The following CASK variants were observed in gnomAD, a reference collection of about 807,000 sequenced individuals.
The protein encoded by CASK is calcium/calmodulin dependent serine protein kinase.
Under a neutral mutation model 82.9 loss-of-function variants are expected in CASK, and 4 were observed. That is an observed-to-expected ratio of 0.05 (90% CI 0.02 to 0.11). CASK has a LOEUF of 0.11. Among genes scored for constraint, CASK ranks in the 10% least tolerant of loss-of-function variants. The pLI, the probability that CASK is intolerant of heterozygous loss-of-function variation, is 1.00. For missense variants in CASK, 358 were observed against 720.9 expected, an observed-to-expected ratio of 0.50 and a Z score of 5.76; for synonymous variants, 259 against 253.5, an observed-to-expected ratio of 1.02 and a Z score of -0.20.
intron 1 of CASK, among the ~76,000 whole-genome samples, chrX:41,885,094 A>G (rs2072024847): frequency 8.9e-6 from 1 of 111,926 alleles, no homozygotes; most frequent in African/African-American, 3.2e-5. Context: ...TCAAAATGCT[A>G]TATCAAGTTA....
intron 5 of CASK, chrX:41,729,317 T>G (rs2068325625): frequency 8.1e-6 from 1 of 123,241 alleles, no homozygotes. Context: ...CTATTATGAG[T>G]AGCTAACGCT....
At chrX:41,711,203 A>G (rs777917684) in intron 5 of CASK, among the ~76,000 whole-genome samples, 2 of 111,965 alleles carry the variant, frequency 1.8e-5, no homozygotes, top group Non-Finnish European at 3.8e-5. Flanking sequence ...ATCTGATGCT[A>G]TCTCTAGGTA....
At chrX:41,900,042 G>GT (rs2072340653) in intron 1 of CASK, among the ~76,000 whole-genome samples, 1 of 100,877 alleles carries the variant, frequency 9.9e-6, no homozygotes, top group Non-Finnish European at 2.0e-5. Flanking sequence ...CAGGTTTTTT[G>GT]TTTTGTTTTT....
intron 21 of CASK, among the ~76,000 whole-genome samples, chrX:41,544,122 G>T (rs1400967122): frequency 8.9e-6 from 1 of 112,192 alleles, no homozygotes; most frequent in Non-Finnish European, 1.9e-5. Flanking sequence ...GCTTTTGTTA[G>T]TTATTAATAT....
At chrX:41,619,076 C>T (rs1248785266) in intron 11 of CASK, among the ~76,000 whole-genome samples, 17 of 109,914 alleles carry the variant, frequency 1.5e-4, no homozygotes, top group Non-Finnish European at 2.5e-4. Context: ...GTGATCCACC[C>T]GCCTTGGCCT....
chrX:41,648,791 C>T (rs1451824797), intron 8 of CASK, among the ~76,000 whole-genome samples: 3 of 111,480 alleles, frequency 2.7e-5, no homozygotes, highest in Admixed American at 1.9e-4. Context: ...GGGAGGATTC[C>T]CTCTTTTTCT....
chrX:41,600,969 TATC>T (rs1412740299), intron 12 of CASK, among the ~76,000 whole-genome samples: 1 of 111,916 alleles, frequency 8.9e-6, no homozygotes, highest in East Asian at 2.8e-4. Context: ...ACCTTGAAGA[TATC>T]ATGCTAAATG....
chrX:41,553,414 A>G (rs1194131286), intron 21 of CASK, among the ~76,000 whole-genome samples: 2 of 111,177 alleles, frequency 1.8e-5, no homozygotes, highest in Non-Finnish European at 3.8e-5. Context: ...TAAAACAATT[A>G]TAACAGCATA....
chrX:41,698,212 T>C (rs1012070736), intron 5 of CASK: 3 of 112,218 alleles, frequency 2.7e-5, no homozygotes, highest in Non-Finnish European at 5.6e-5. Context: ...CTGGAGAAAT[T>C]TGAAGCAAAT....
At chrX:41,798,345 A>G (rs987413385) in intron 2 of CASK, among the ~76,000 whole-genome samples, 1 of 112,597 alleles carries the variant, frequency 8.9e-6, no homozygotes, top group Admixed American at 9.4e-5. Context: ...AATAAAATAC[A>G]AAGATGAGAT....
At chrX:41,540,228 A>G (rs1452957123) in intron 22 of CASK, among the ~76,000 whole-genome samples, 1 of 111,836 alleles carries the variant, frequency 8.9e-6, no homozygotes, top group Non-Finnish European at 1.9e-5. Flanking sequence ...TGTCCTCTCA[A>G]CCCCTCCTTT....
intron 5 of CASK, chrX:41,676,327 C>A: frequency 8.3e-7 from 1 of 1,198,784 alleles, no homozygotes; most frequent in Non-Finnish European, 1.1e-6. Context: ...TCCAAGATGA[C>A]CTACGGGCTC....
chrX:41,674,379 T>A (rs1248041981), intron 5 of CASK, among the ~76,000 whole-genome samples: 2 of 110,566 alleles, frequency 1.8e-5, no homozygotes, highest in African/African-American at 6.6e-5. Flanking sequence ...GAATAAAGGA[T>A]CAAAATTGAA....
chrX:41,917,673 T>C (rs1271680409), intron 1 of CASK, among the ~76,000 whole-genome samples: 5 of 111,749 alleles, frequency 4.5e-5, no homozygotes, highest in Non-Finnish European at 9.4e-5. Flanking sequence ...GTTACGGACA[T>C]AAAAATTAAG....
chrX:41,660,448 T>C lies in CASK; in HGVS notation c.822A>G (p.Pro274=), dbSNP rs762045684. The change falls in exon 8 of 27, where the codon CCA becomes CCG. Residue 274 remains proline, a synonymous_variant. Transcript: ENST00000378163. ...GTGAATGCTCATGTACCTTAAGCCATGGGTGATTCAGTGCTTCATAAACAG... is the reference window on the plus strand; with the variant it reads ...GTGAATGCTCATGTACCTTAAGCCACGGGTGATTCAGTGCTTCATAAACAG... The part of the protein sequence containing the change: ...RITVYEALNH[P]WLKERDRYAY... The C allele has an allele frequency of 3.6e-5, 43 of 1,208,200 alleles. No homozygotes were observed. Among genetic ancestry groups the C allele is most frequent in the Non-Finnish European group, 4.8e-5 (43 of 893,359 alleles).
At chrX:41,803,394 C>T (rs905531093) in intron 2 of CASK, among the ~76,000 whole-genome samples, 15 of 110,929 alleles carry the variant, frequency 1.4e-4, no homozygotes, top group African/African-American at 4.9e-4. Flanking sequence ...TTGAGACCAG[C>T]GTGGCCAACA....
At chrX:41,855,622 T>C (rs1421405800) in intron 1 of CASK, among the ~76,000 whole-genome samples, 1 of 111,285 alleles carries the variant, frequency 9.0e-6, no homozygotes, top group Non-Finnish European at 1.9e-5. Context: ...TCAGGAGGTA[T>C]AGGTTTCAGT....
At chrX:41,757,188 A>C (rs2068912620) in intron 3 of CASK, among the ~76,000 whole-genome samples, 1 of 112,170 alleles carries the variant, frequency 8.9e-6, no homozygotes, top group Non-Finnish European at 1.9e-5. Flanking sequence ...TTGCATACAC[A>C]AATCAGTCTT....
intron 9 of CASK, among the ~76,000 whole-genome samples, chrX:41,636,129 T>C (rs1305706743): frequency 9.1e-6 from 1 of 109,613 alleles, no homozygotes; most frequent in Non-Finnish European, 1.9e-5. Context: ...ACTCCTGACC[T>C]CAGGCAATCC....
Sources: allele counts gnomAD v4.1 joint callset (sites outside exome capture counted in the v4.1 genomes callset), GRCh38; gene constraint gnomAD v4.1.1; transcripts MANE v1.5; gene names NCBI Gene and HGNC (gene_info 2026-07-23, HGNC 2026-07-21).